The following SSB variants were observed in gnomAD, a reference collection of about 807,000 sequenced individuals.
SSB encodes the protein small RNA binding exonuclease protection factor La, also known as lupus La protein.
In SSB, 17 loss-of-function variants were observed where a neutral mutation model predicts 52.9. The ratio of observed to expected loss-of-function variants is 0.32; its 90% CI spans 0.22 to 0.48. The LOEUF is 0.48. Ranked by LOEUF, SSB falls within the 20% of genes least tolerant of loss-of-function variation. The probability of loss-of-function intolerance (pLI) is 0.99; values close to 1 mark genes in which losing one functional copy is unlikely to be tolerated. For missense variants in SSB, 314 were observed against 463.6 expected, an observed-to-expected ratio of 0.68 and a Z score of 2.96; for synonymous variants, 111 against 152.1, an observed-to-expected ratio of 0.73 and a Z score of 1.99.
chr2:169,811,962 A>G lies in SSB; in HGVS notation c.*206A>G. The stretch of plus-strand genomic sequence containing the variant: ...CTGTTTGTGTTATTTCAGATGATTC[A>G]AATATCAAAAGGAAGATTCTTCCAT... On this transcript the variant is annotated 3_prime_UTR_variant, in exon 12 of 12. Transcript: ENST00000260956. 7.7e-7 allele frequency: 1 copy of G among 1,298,616 alleles called. No individual in the cohort carries two copies. The allele number at this position is 1,298,616 out of a possible 1,614,324, so 80.4% of individuals were successfully genotyped here.
chr2:169,811,558 A>G, intron 11 of SSB, 110 bp from the exon 12 acceptor site: 2 of 1,444,140 alleles, frequency 1.4e-6, no homozygotes, highest in Non-Finnish European at 1.8e-6. Flanking sequence ...CATTGGTGCA[A>G]GGAAGTTGTT....
rs1316134417 is a variant in SSB, at chr2:169,810,801, AT to A, written c.811-55del. On this transcript the variant is annotated intron_variant, in intron 9 of 11. Transcript: ENST00000260956. ...AGAAAAAATTACTTTGGACAAAGAA[AT>A]TAATTGTGGGACTAAAAACCAAGGG... The A allele has an allele frequency of 3.3e-6, 5 of 1,522,352 alleles. No homozygotes were observed. In the African/African-American group the frequency reaches 7.0e-5, roughly 21 times the overall value. The allele number at this position is 1,522,352 out of a possible 1,614,324, so 94.3% of individuals were successfully genotyped here.
intron 5 of SSB, 21 bp from the exon 6 acceptor site, chr2:169,806,949 AT>A (rs751104851): frequency 1.9e-6 from 3 of 1,611,220 alleles, no homozygotes; most frequent in Non-Finnish European, 8.5e-7. Context: ...ACTTAAAAAA[AT>A]ATTTTCCTTC....
chr2:169,801,393 C>T (rs1210382619), intron 2 of SSB, among the ~76,000 whole-genome samples: 2 of 151,738 alleles, frequency 1.3e-5, no homozygotes, highest in Non-Finnish European at 1.5e-5. Context: ...ATTCCTGACA[C>T]ATAAGTAACA....
At chr2:169,803,511 A>G (rs1178061291) in intron 2 of SSB, among the ~76,000 whole-genome samples, 1 of 152,064 alleles carries the variant, frequency 6.6e-6, no homozygotes, top group East Asian at 1.9e-4. Flanking sequence ...CGGCCACCCA[A>G]AGTGCTGGGA....
At position 169,805,688 on chromosome 2, in the gene SSB, T is replaced by G. The variant is rs1689814801; in HGVS notation, c.194T>G (p.Phe65Cys). ...AGGTTGAACCGTCTAACAACAGACT[T>G]TAATGTAATTGTGGAAGCATTGAGC... ...FNRLNRLTTD[F>C]NVIVEALSKS... The change falls in exon 4 of 12, where the codon TTT (phenylalanine) becomes TGT (cysteine). Residue 65 changes from phenylalanine to cysteine, a missense_variant. By Grantham distance (205) the Phe-to-Cys change is radical (BLOSUM62 -2). Transcript: ENST00000260956. 6.2e-7 allele frequency: 1 copy of G among 1,613,978 alleles called. No homozygotes were observed. The highest frequency in any genetic ancestry group is 1.3e-5 in the African/African-American group (1 of 74,920).
chr2:169,807,163 C>T (rs1398568357), intron 6 of SSB, 92 bp downstream of exon 6: 1 of 962,990 alleles, frequency 1.0e-6, no homozygotes, highest in Non-Finnish European at 1.6e-6. Flanking sequence ...CCTGAAAGGC[C>T]AATATTCTTA....
chr2:169,805,754 C>T lies in SSB; in HGVS notation c.260C>T (p.Thr87Ile). 6.2e-7 allele frequency: 1 copy of T among 1,613,998 alleles called. No homozygotes were observed. The highest frequency in any genetic ancestry group is 8.5e-7 in the Non-Finnish European group (1 of 1,179,980). Residue 87 changes from threonine (T) to isoleucine (I), a missense_variant, in exon 4 of 12, where the codon ACT (threonine) becomes ATT (isoleucine). Coordinates refer to ENST00000260956, the MANE Select transcript of SSB (RefSeq NM_003142.5). The part of the protein sequence containing the change: ...AELMEISEDK[T>I]KIRRSPSKPL... ...CTCATGGAAATCAGTGAAGATAAAACTAAAATCAGAAGGTCTCCAAGCAAA... is the reference window on the plus strand; with the variant it reads ...CTCATGGAAATCAGTGAAGATAAAATTAAAATCAGAAGGTCTCCAAGCAAA...
intron 8 of SSB, chr2:169,809,108 C>T: frequency 1.8e-6 from 1 of 558,626 alleles, no homozygotes; most frequent in Non-Finnish European, 3.3e-6. Flanking sequence ...AGGCCGGGTG[C>T]AGTGGCCCAC....
At chr2:169,811,620 G>C (rs1689958536) in intron 11 of SSB, 48 bp from the exon 12 acceptor site, 1 of 1,590,938 alleles carries the variant, frequency 6.3e-7, no homozygotes, top group African/African-American at 1.4e-5. Context: ...TATTAAACTA[G>C]AGCAGTACTT....
Position 169,799,993 on chromosome 2 carries a change from T to C in SSB, c.-9-959T>C, listed in dbSNP as rs143600385. Among the ~76,000 whole-genome samples, 56 of 152,364 alleles carry C rather than the reference T, an allele frequency of 3.7e-4. No individual in the cohort carries two copies. The East Asian group carries it at 0.01, about 27-fold the overall frequency. On this transcript the variant is annotated intron_variant, in intron 1 of 11. Coordinates refer to ENST00000260956, the MANE Select transcript of SSB (RefSeq NM_003142.5). Reference sequence around the variant, plus strand: ...ATTTCTAGCAAACTAATAGCACAGCTTCCTTTTTTCATTGCAGTGCTAATG... The same window carrying C: ...ATTTCTAGCAAACTAATAGCACAGCCTCCTTTTTTCATTGCAGTGCTAATG...
chr2:169,804,324 A>G (rs1021133567), intron 2 of SSB, among the ~76,000 whole-genome samples: 3 of 142,932 alleles, frequency 2.1e-5, no homozygotes, highest in Non-Finnish European at 4.5e-5. Flanking sequence ...GCCTCACTGC[A>G]GCTTCAACCT....
Position 169,810,675 on chromosome 2 carries a change from CTG to C in SSB, c.811-181_811-180del, listed in dbSNP as rs1387052616. Reference sequence around the variant, plus strand: ...AGTTTCTGAATTATACTATGAATAACTGTTCATACTGATGATTGCAGTTTTAC... The same window carrying C: ...AGTTTCTGAATTATACTATGAATAACTTCATACTGATGATTGCAGTTTTAC... On this transcript the variant is annotated intron_variant, in intron 9 of 11. Coordinates refer to ENST00000260956, the MANE Select transcript of SSB (RefSeq NM_003142.5). 11 of 670,678 alleles carry C rather than the reference CTG, an allele frequency of 1.6e-5. No individual in the cohort carries two copies. The East Asian group carries it at 3.1e-4, about 19-fold the overall frequency. The allele number at this position is 670,678 out of a possible 1,614,324, so 41.5% of individuals were successfully genotyped here.
At chr2:169,800,864 C>T (rs73016453) in intron 1 of SSB, 88 bp from the exon 2 acceptor site, 31,163 of 921,870 alleles carry the variant, frequency 0.034, 605 homozygotes, top group Middle Eastern at 0.047. Context: ...TTTAAGAAAA[C>T]GGGATATTAA....
chr2:169,809,080 T>G (rs1264425346), intron 8 of SSB, 178 bp downstream of exon 8: 2 of 645,690 alleles, frequency 3.1e-6, no homozygotes, highest in African/African-American at 1.8e-5. Context: ...ATAGGAAATA[T>G]GTTCTAAAAT....
At position 169,812,045 on chromosome 2, in the gene SSB, C is replaced by A; in HGVS notation, c.*289C>A. ...TACAAACTAACTAATAAAATATATA[C>A]TATATGAAAAGAGCAAAAACAGTTT... On this transcript the variant is annotated 3_prime_UTR_variant, in exon 12 of 12. Coordinates refer to ENST00000260956, the MANE Select transcript of SSB (RefSeq NM_003142.5). 1 of 687,630 alleles carries A rather than the reference C, an allele frequency of 1.5e-6. No individual in the cohort carries two copies. The highest frequency in any genetic ancestry group is 2.4e-6 in the Non-Finnish European group (1 of 420,740). The allele number at this position is 687,630 out of a possible 1,614,324, so 42.6% of individuals were successfully genotyped here.
rs752254124 is a variant in SSB at position 169,810,369 on chromosome 2, T to G, written c.756T>G (p.Leu252=). 64 of 1,610,520 alleles carry G rather than the reference T, an allele frequency of 4.0e-5. 1 individual carries two copies. Among genetic ancestry groups the G allele is most frequent in the Middle Eastern group, 1.8e-4 (1 of 5,520 alleles). Residue 252 remains leucine, a synonymous_variant, in exon 9 of 12, where the codon CTT becomes CTG. Coordinates refer to ENST00000260956, the MANE Select transcript of SSB (RefSeq NM_003142.5). ...CCTGTAGAGAAGATTTACACATACT[T>G]TTCTCAAATCATGGTGAAATAAAAT... ...DQTCREDLHI[L]FSNHGEIKWI...
In SSB at chr2:169,805,584, A is replaced by C. The variant is rs1398914902; in HGVS notation, c.170+7A>C. On this transcript the variant is annotated splice_region_variant and intron_variant, in intron 3 of 11. Coordinates refer to ENST00000260956, the MANE Select transcript of SSB (RefSeq NM_003142.5). The stretch of plus-strand genomic sequence containing the variant: ...TAATGATAAAATTCAACAGGTAACA[A>C]GCTTTTAAAAATAATCTTTAGGTTT... The C allele has an allele frequency of 2.5e-6, 4 of 1,612,972 alleles. No homozygotes were observed.
At position 169,810,849 on chromosome 2, in the gene SSB, C is replaced by G. The variant is rs749756518; in HGVS notation, c.811-9C>G. ...AGGGTATGGCTTTTGTTTTCTGTCT[C>G]TGGTATAGGGGATAATTCTATTTAA... On this transcript the variant is annotated splice_polypyrimidine_tract_variant and intron_variant, in intron 9 of 11. Transcript: ENST00000260956. 5.7e-6 allele frequency: 9 copies of G among 1,584,686 alleles called. No individual in the cohort carries two copies. In the South Asian group the frequency reaches 8.3e-5, roughly 15 times the overall value.
Sources: gnomAD v4.1 joint callset for allele counts (sites outside exome capture counted in the v4.1 genomes callset) on GRCh38, gnomAD v4.1.1 for gene constraint, MANE v1.5 for transcripts, NCBI Gene and HGNC (gene_info 2026-07-23, HGNC 2026-07-21) for gene names.